DTX4: variants seen among roughly 807,000 people sequenced by gnomAD.
DTX4 encodes the protein E3 ubiquitin-protein ligase DTX4.
DTX4 carries 28 observed loss-of-function variants against 57.6 expected under a neutral mutation model. The ratio of observed to expected loss-of-function variants is 0.49; its 90% CI spans 0.36 to 0.67. The LOEUF (loss-of-function observed/expected upper bound fraction) is 0.67. Ranked by LOEUF, DTX4 falls within the 30% of genes least tolerant of loss-of-function variation. The probability of loss-of-function intolerance (pLI) is 0.00; values close to 1 mark genes in which losing one functional copy is unlikely to be tolerated. For synonymous variants in DTX4, 316 were observed against 331.0 expected, an observed-to-expected ratio of 0.95 and a Z score of 0.49; for missense variants, 715 against 836.8, an observed-to-expected ratio of 0.85 and a Z score of 1.80.
chr11:59,181,219 T>A (rs544284870), intron 1 of DTX4, among the ~76,000 whole-genome samples: 8 of 152,284 alleles, frequency 5.3e-5, no homozygotes, highest in Non-Finnish European at 1.0e-4. Flanking sequence ...AATATGATCA[T>A]TATGAGCACC....
upstream of DTX4, among the ~76,000 whole-genome samples, chr11:59,171,839 AAGAG>A (rs902235603): frequency 8.6e-5 from 13 of 151,908 alleles, no homozygotes; most frequent in African/African-American, 1.2e-4. Context: ...AGGAAAAAAA[AAGAG>A]AGAGAGAGAG....
chr11:59,181,871 A>G lies in DTX4; in HGVS notation c.344A>G (p.His115Arg), dbSNP rs1862466550. 3.1e-6 allele frequency: 5 copies of G among 1,614,044 alleles called. No individual in the cohort carries two copies. Among genetic ancestry groups the G allele is most frequent in the Non-Finnish European group, 4.2e-6 (5 of 1,179,888 alleles). Residue 115 changes from histidine (H) to arginine (R), a missense_variant, in exon 2 of 9, where the codon CAT (histidine) becomes CGT (arginine). His to Arg is a conservative substitution (Grantham distance 29, BLOSUM62 0). Transcript: ENST00000227451. The stretch of plus-strand genomic sequence containing the variant: ...ATGGAAGTGGGCATCACCATCCAGC[A>G]TGCCTATGAGAAGCAGCACCCCTGG... ...YDMEVGITIQ[H>R]AYEKQHPWID... is the part of the protein sequence containing the mutation.
chr11:59,206,588 G>T lies in DTX4; in HGVS notation c.*1679G>T, dbSNP rs1281860954. 1.3e-5 allele frequency: 2 copies of T among 151,730 alleles called. No individual in the cohort carries two copies. Among genetic ancestry groups the T allele is most frequent in the African/African-American group, 4.9e-5 (2 of 41,076 alleles). 9.4% of individuals were successfully genotyped at this position (151,730 alleles called of 1,614,324 possible). Reference sequence around the variant, plus strand: ...TGATGCTAGAAAAATGGAAACAAGAGAACCTTCAAAAATGGTACTTAGATG... The same window carrying T: ...TGATGCTAGAAAAATGGAAACAAGATAACCTTCAAAAATGGTACTTAGATG... On this transcript the variant is annotated 3_prime_UTR_variant, in exon 9 of 9. Coordinates refer to ENST00000227451, the MANE Select transcript of DTX4 (RefSeq NM_015177.2).
At chr11:59,189,799 C>G (rs1456377008) in intron 4 of DTX4, among the ~76,000 whole-genome samples, 1 of 152,124 alleles carries the variant, frequency 6.6e-6, no homozygotes, top group Non-Finnish European at 1.5e-5. Flanking sequence ...TGTCCTGTGT[C>G]CCCCTAGAAC....
chr11:59,198,676 A>T (rs1862703866), intron 7 of DTX4, among the ~76,000 whole-genome samples: 1 of 152,146 alleles, frequency 6.6e-6, no homozygotes, highest in African/African-American at 2.4e-5. Context: ...TCATTTATTC[A>T]GGCAGGATGT....
At chr11:59,181,387 G>T (rs1236922714) in intron 1 of DTX4, among the ~76,000 whole-genome samples, 3 of 152,220 alleles carry the variant, frequency 2.0e-5, no homozygotes, top group Admixed American at 1.3e-4. Context: ...TTTCCCAGGA[G>T]GGAAAGGGAG....
rs1158039137 is a variant in DTX4 at position 59,207,177 on chromosome 11, TG to T, written c.*2272del. The T allele has an allele frequency of 5.3e-5, 8 of 151,818 alleles. No homozygotes were observed. The highest frequency in any genetic ancestry group is 1.9e-4 in the African/African-American group (8 of 41,278). 9.4% of individuals were successfully genotyped at this position (151,818 alleles called of 1,614,324 possible). On this transcript the variant is annotated 3_prime_UTR_variant, in exon 9 of 9. Coordinates refer to ENST00000227451, the MANE Select transcript of DTX4 (RefSeq NM_015177.2). ...AAAGACACAATGAGGCAGTAGGAGG[TG>T]GGGAAGAAAAGAAGACAGACTTTCA...
At chr11:59,191,983 G>T (rs1590986250) in intron 5 of DTX4, 115 bp from the exon 6 acceptor site, 1 of 1,183,576 alleles carries the variant, frequency 8.4e-7, no homozygotes, top group Non-Finnish European at 1.2e-6. Flanking sequence ...ACCCTGATTT[G>T]TGGGTGTTTT....
chr11:59,182,701 G>A (rs1488544526), intron 2 of DTX4, among the ~76,000 whole-genome samples: 1 of 152,156 alleles, frequency 6.6e-6, no homozygotes, highest in Non-Finnish European at 1.5e-5. Context: ...ATATGATTTA[G>A]GACCAGATCC....
rs1370076721 is a variant in DTX4, at chr11:59,172,355, AGCGGACCCCGGCG to A, written c.-236_-224del. The stretch of plus-strand genomic sequence containing the variant: ...GACCCCACAGAGCAGCGGCAGCAGC[AGCGGACCCCGGCG>A]GCGGCGGCGGCGCGCGGTCCCAGCC... On this transcript the variant is annotated 5_prime_UTR_variant, in exon 1 of 9. The change creates a premature stop within an existing upstream ORF in the 5' untranslated region. Coordinates refer to ENST00000227451, the MANE Select transcript of DTX4 (RefSeq NM_015177.2). 1 of 162,324 alleles carries A rather than the reference AGCGGACCCCGGCG, an allele frequency of 6.2e-6. No individual in the cohort carries two copies. Among genetic ancestry groups the A allele is most frequent in the Non-Finnish European group, 1.3e-5 (1 of 75,438 alleles). 10.1% of individuals were successfully genotyped at this position (162,324 alleles called of 1,614,324 possible). A position where few individuals can be genotyped will look rare whatever the true frequency, so the allele number is the denominator to read the frequency against.
intron 5 of DTX4, among the ~76,000 whole-genome samples, chr11:59,191,714 G>A (rs574511725): frequency 3.4e-4 from 52 of 152,138 alleles, no homozygotes; most frequent in Non-Finnish European, 5.4e-4. Flanking sequence ...TTAAATAGCC[G>A]TCCCTCTGGT....
intron 2 of DTX4, among the ~76,000 whole-genome samples, chr11:59,187,088 C>T (rs992896684): frequency 1.5e-4 from 23 of 152,202 alleles, no homozygotes; most frequent in Non-Finnish European, 2.8e-4. Context: ...AGAGACAGAC[C>T]CCACTGCTTG....
intron 1 of DTX4, among the ~76,000 whole-genome samples, chr11:59,174,822 G>A (rs113296624): frequency 6.6e-6 from 1 of 152,256 alleles, no homozygotes; most frequent in African/African-American, 2.4e-5. Context: ...TAAACCTCAG[G>A]CAGAGAACTT....
At chr11:59,195,038 A>G in intron 6 of DTX4, 170 bp from the exon 7 acceptor site, 1 of 683,708 alleles carries the variant, frequency 1.5e-6, no homozygotes, top group Admixed American at 2.6e-5. Flanking sequence ...CTTTGGAGAA[A>G]GCAGAAATAG....
At chr11:59,201,491 G>A (rs557796563) in intron 8 of DTX4, among the ~76,000 whole-genome samples, 33 of 152,264 alleles carry the variant, frequency 2.2e-4, no homozygotes, top group African/African-American at 7.7e-4. Flanking sequence ...CTGGATGCTT[G>A]TTACTTCCAC....
chr11:59,176,976 G>T (rs545139167), intron 1 of DTX4, among the ~76,000 whole-genome samples: 5 of 152,262 alleles, frequency 3.3e-5, no homozygotes, highest in African/African-American at 1.2e-4. Context: ...CAACACTTTG[G>T]TTCTGAGGTC....
intron 7 of DTX4, among the ~76,000 whole-genome samples, chr11:59,196,379 A>C (rs1194178874): frequency 2.0e-5 from 3 of 152,290 alleles, no homozygotes; most frequent in African/African-American, 7.2e-5. Context: ...TAGCCTGTAA[A>C]AGAAGTGAAT....
intron 2 of DTX4, among the ~76,000 whole-genome samples, chr11:59,184,921 T>C (rs1862509553): frequency 1.3e-5 from 2 of 152,146 alleles, no homozygotes; most frequent in African/African-American, 4.8e-5. Context: ...TTAATTAGCG[T>C]GTTTATTCCC....
At chr11:59,181,525 G>A (rs567229289) in intron 1 of DTX4, among the ~76,000 whole-genome samples, 1 of 152,298 alleles carries the variant, frequency 6.6e-6, no homozygotes, top group African/African-American at 2.4e-5. Flanking sequence ...CCTTCATGCT[G>A]TAACTCATCT....
Sources: allele counts gnomAD v4.1 joint callset (sites outside exome capture counted in the v4.1 genomes callset), GRCh38; gene constraint gnomAD v4.1.1; transcripts MANE v1.5; gene names NCBI Gene and HGNC (gene_info 2026-07-23, HGNC 2026-07-21).